Variants in ENAH observed in about 807,000 individuals in gnomAD.
The protein encoded by ENAH is protein enabled homolog.
A neutral mutation model predicts 78.7 loss-of-function variants in ENAH; 23 were observed. The observed-to-expected ratio is 0.29, with a 90% CI of 0.21 to 0.41. The LOEUF (loss-of-function observed/expected upper bound fraction) is 0.41, where lower values mean the gene tolerates loss of function less well. Ranked by LOEUF, ENAH falls within the 10% of genes least tolerant of loss-of-function variation. ENAH has a pLI of 1.00. For missense variants in ENAH, 544 were observed against 691.0 expected (o/e 0.79, Z 2.39); for synonymous variants, 226 against 241.0 (o/e 0.94, Z 0.58).
intron 2 of ENAH, 25 bp from the exon 3 acceptor site, chr1:225,555,108 A>G: frequency 6.7e-7 from 1 of 1,493,360 alleles, no homozygotes; most frequent in Non-Finnish European, 9.1e-7. Flanking sequence ...TTCTTTATAA[A>G]GTCAAACCAA....
chr1:225,610,128 G>A (rs1358586089), intron 1 of ENAH, among the ~76,000 whole-genome samples: 1 of 150,724 alleles, frequency 6.6e-6, no homozygotes, highest in Non-Finnish European at 1.5e-5. Flanking sequence ...AGTATATTTA[G>A]GGGAAATCAC....
chr1:225,527,518 A>G (rs577698999), intron 4 of ENAH, among the ~76,000 whole-genome samples: 12 of 152,346 alleles, frequency 7.9e-5, no homozygotes, highest in Admixed American at 1.3e-4. Flanking sequence ...CTATATAAAT[A>G]TTTAGTAGAT....
intron 1 of ENAH, among the ~76,000 whole-genome samples, chr1:225,616,196 G>T (rs973593074): frequency 2.0e-5 from 3 of 151,986 alleles, no homozygotes; most frequent in Non-Finnish European, 2.9e-5. Flanking sequence ...CACTGCGGAA[G>T]GCCGCAGGGT....
intron 1 of ENAH, among the ~76,000 whole-genome samples, chr1:225,599,421 T>C (rs1418721947): frequency 1.3e-5 from 2 of 152,202 alleles, no homozygotes; most frequent in Non-Finnish European, 1.5e-5. Context: ...ACTGTGATTA[T>C]GTAGGAGAAT....
At chr1:225,637,951 G>A (rs1660356665) in intron 1 of ENAH, among the ~76,000 whole-genome samples, 1 of 151,952 alleles carries the variant, frequency 6.6e-6, no homozygotes, top group Admixed American at 6.6e-5. Flanking sequence ...AGCAAAAAGG[G>A]CAAAACAACA....
intron 4 of ENAH, among the ~76,000 whole-genome samples, chr1:225,525,020 AATTAT>A (rs528689832): frequency 3.3e-5 from 5 of 152,324 alleles, no homozygotes; most frequent in South Asian, 2.1e-4. Context: ...TAAAAAGCCA[AATTAT>A]ATTATAAGAC....
rs2096249227 is a variant in ENAH at position 225,496,245 on chromosome 1, A to G, written c.*1530T>C. 1 of 152,414 alleles carries G rather than the reference A, an allele frequency of 6.6e-6. No homozygotes were observed. Among genetic ancestry groups the G allele is most frequent in the African/African-American group, 2.4e-5 (1 of 41,466 alleles). The allele number at this position is 152,414 out of a possible 1,614,324, so 9.4% of individuals were successfully genotyped here. A position where few individuals can be genotyped will look rare whatever the true frequency, so the allele number is the denominator to read the frequency against. Reference sequence around the variant, plus strand: ...ACCTTACCAGTTTCAAAGGAAAGAAAAGGGAGTGGCTTCCATATAGACAGC... The same window carrying G: ...ACCTTACCAGTTTCAAAGGAAAGAAGAGGGAGTGGCTTCCATATAGACAGC... On this transcript the variant is annotated 3_prime_UTR_variant, in exon 14 of 14. Coordinates refer to ENST00000366843, the MANE Select transcript of ENAH (RefSeq NM_018212.6).
At chr1:225,634,635 C>T (rs1252124539) in intron 1 of ENAH, among the ~76,000 whole-genome samples, 1 of 152,166 alleles carries the variant, frequency 6.6e-6, no homozygotes, top group African/African-American at 2.4e-5. Context: ...AAAAGACCTG[C>T]GAATATCATT....
intron 5 of ENAH, chr1:225,517,510 G>A (rs1006708282): frequency 3.6e-5 from 56 of 1,551,584 alleles, no homozygotes; most frequent in Non-Finnish European, 4.6e-5. Flanking sequence ...ATTGGGTGCT[G>A]TCGGTGATGG....
intron 6 of ENAH, among the ~76,000 whole-genome samples, chr1:225,515,846 G>C (rs1375736911): frequency 6.6e-6 from 1 of 152,178 alleles, no homozygotes; most frequent in East Asian, 1.9e-4. Context: ...AGAGTTCTGA[G>C]GGTACAGCAG....
At chr1:225,498,238 G>T in intron 13 of ENAH, 109 bp downstream of exon 13, 1 of 837,982 alleles carries the variant, frequency 1.2e-6, no homozygotes, top group Non-Finnish European at 1.9e-6. Context: ...GACTATGGAA[G>T]TCATTGCCCT....
intron 3 of ENAH, among the ~76,000 whole-genome samples, chr1:225,536,839 A>G (rs1486340718): frequency 1.3e-5 from 2 of 152,050 alleles, no homozygotes; most frequent in African/African-American, 4.8e-5. Context: ...TTTGCTAAGT[A>G]CTTCCAACCA....
At chr1:225,583,676 C>T (rs533987680) in intron 1 of ENAH, among the ~76,000 whole-genome samples, 11 of 151,426 alleles carry the variant, frequency 7.3e-5, no homozygotes, top group East Asian at 3.9e-4. Flanking sequence ...GGCATGGTGG[C>T]GCATGCCTGT....
chr1:225,605,471 G>T (rs2096951800), intron 1 of ENAH, among the ~76,000 whole-genome samples: 2 of 152,164 alleles, frequency 1.3e-5, no homozygotes, highest in Admixed American at 1.3e-4. Context: ...GAACTATTAA[G>T]AGGCAAGGCT....
intron 1 of ENAH, among the ~76,000 whole-genome samples, chr1:225,645,976 A>C (rs1661881964): frequency 6.6e-6 from 1 of 152,206 alleles, no homozygotes; most frequent in Non-Finnish European, 1.5e-5. Flanking sequence ...AACTTACTTT[A>C]ATCATTGTAA....
chr1:225,574,904 AAAAAAAAAAAAAAAAATAT>A lies in ENAH; in HGVS notation c.6-7509_6-7491del, dbSNP rs58750159. On this transcript the variant is annotated intron_variant, in intron 1 of 13. Transcript: ENST00000366843. Reference sequence around the variant, plus strand: ...CGACAGAGCGAGACTCCGTCTCAAAAAAAAAAAAAAAAAAAATATATATATATAAAAAAAAAAAAAGATT... The same window carrying A: ...CGACAGAGCGAGACTCCGTCTCAAAAATATATATAAAAAAAAAAAAAGATT... Among the ~76,000 whole-genome samples, 6 of 89,778 alleles carry A rather than the reference AAAAAAAAAAAAAAAAATAT, an allele frequency of 6.7e-5. 2 individuals carry two copies. In the East Asian group the frequency reaches 1.2e-3, roughly 19 times the overall value. The allele number at this position is 89,778 out of a possible 152,430, so 58.9% of individuals were successfully genotyped here. A position where few individuals can be genotyped will look rare whatever the true frequency, so the allele number is the denominator to read the frequency against.
At chr1:225,601,147 C>T (rs1410368840) in intron 1 of ENAH, among the ~76,000 whole-genome samples, 2 of 152,100 alleles carry the variant, frequency 1.3e-5, no homozygotes, top group Non-Finnish European at 2.9e-5. Flanking sequence ...TACTCTTAAT[C>T]AACTCTGTTC....
chr1:225,653,136 A>C (rs1004969444), upstream of ENAH: 1 of 150,698 alleles, frequency 6.6e-6, no homozygotes, highest in African/African-American at 2.4e-5. The surrounding 1 kb of genome is among the most constrained non-coding windows in gnomAD (Gnocchi z 4.3). Flanking sequence ...GATCGCCGCG[A>C]GGAACCCGGG....
At chr1:225,573,087 T>G (rs1463500348) in intron 1 of ENAH, among the ~76,000 whole-genome samples, 2 of 152,230 alleles carry the variant, frequency 1.3e-5, no homozygotes, top group African/African-American at 2.4e-5. Context: ...TACCAGTGAA[T>G]GAAGCGCTTC....
Sources: gnomAD v4.1 joint callset for allele counts (sites outside exome capture counted in the v4.1 genomes callset) on GRCh38, gnomAD v4.1.1 for gene constraint, Gnocchi (gnomAD v3.1) non-coding constraint, MANE v1.5 for transcripts, NCBI Gene and HGNC (gene_info 2026-07-23, HGNC 2026-07-21) for gene names.